UNC13C: variants seen among roughly 807,000 people sequenced by gnomAD.
UNC13C encodes unc-13 homolog C, also known as protein unc-13 homolog C.
Under a neutral mutation model 245.4 loss-of-function variants are expected in UNC13C, and 174 were observed. The observed-to-expected ratio is 0.71, with a 90% confidence interval of 0.63 to 0.80. The LOEUF (loss-of-function observed/expected upper bound fraction) is 0.80, where lower values mean the gene tolerates loss of function less well. UNC13C is among the 30% of genes least tolerant of loss of function. The pLI, the probability that UNC13C is intolerant of heterozygous loss-of-function variation, is 0.00. For missense variants in UNC13C, 2,829 were observed against 2,602.9 expected (o/e 1.09, Z -1.89); for synonymous variants, 992 against 895.1 (o/e 1.11, Z -1.93).
At chr15:54,275,575 C>T (rs931929731) in intron 10 of UNC13C, among the ~76,000 whole-genome samples, 25 of 152,002 alleles carry the variant, frequency 1.6e-4, no homozygotes, top group African/African-American at 5.8e-4. Flanking sequence ...TTATAACAGC[C>T]TACCAGTAAT....
chr15:53,898,553 A>G, the UNC13C span, among the ~76,000 whole-genome samples: 4 of 152,190 alleles, frequency 2.6e-5, no homozygotes, highest in South Asian at 4.1e-4. Context: ...ATTCCCTAGT[A>G]AATGAGAAAA....
chr15:54,100,631 G>A (rs903847110), intron 2 of UNC13C, among the ~76,000 whole-genome samples: 5 of 151,784 alleles, frequency 3.3e-5, no homozygotes, highest in East Asian at 1.9e-4. Context: ...AGCTTAGTAC[G>A]TCTATATCCA....
chr15:54,265,506 T>A lies in UNC13C; in HGVS notation c.3818+10T>A, dbSNP rs2036530909. The A allele has an allele frequency of 2.6e-6, 4 of 1,515,030 alleles. No homozygotes were observed. The South Asian group carries it at 5.1e-5, about 19-fold the overall frequency. 93.8% of individuals were successfully genotyped at this position (1,515,030 alleles called of 1,614,324 possible). ...ATGAGAAGTTTTATTTGTGAGTATA[T>A]AATGTGAAACCTTTACAAATATTAA... On this transcript the variant is annotated intron_variant, in intron 10 of 32. Transcript: ENST00000260323.
chr15:54,541,975 G>A (rs1365400010), intron 26 of UNC13C, among the ~76,000 whole-genome samples: 1 of 152,018 alleles, frequency 6.6e-6, no homozygotes, highest in African/African-American at 2.4e-5. Context: ...ATCGGGGTGA[G>A]GGTGAAAATC....
intron 4 of UNC13C, among the ~76,000 whole-genome samples, chr15:54,230,588 A>G (rs2035523527): frequency 6.6e-6 from 1 of 152,088 alleles, no homozygotes; most frequent in Non-Finnish European, 1.5e-5. Flanking sequence ...ATTTTATAAC[A>G]AGACAATTAA....
chr15:53,944,234 T>A, the UNC13C span, among the ~76,000 whole-genome samples: 1 of 152,130 alleles, frequency 6.6e-6, no homozygotes, highest in South Asian at 2.1e-4. Flanking sequence ...ATTTTAATAA[T>A]TTAATTTGGC....
At chr15:54,075,526 C>T (rs1193825294) in intron 2 of UNC13C, among the ~76,000 whole-genome samples, 1 of 132,850 alleles carries the variant, frequency 7.5e-6, no homozygotes, top group African/African-American at 2.9e-5. Context: ...CACTCCAGCC[C>T]GGGCGACAGA....
chr15:54,408,222 A>AAAAAAAAAAAAAC, intron 18 of UNC13C, among the ~76,000 whole-genome samples: 1 of 145,156 alleles, frequency 6.9e-6, no homozygotes, highest in East Asian at 2.1e-4. Context: ...AAAAAAAAAA[A>AAAAAAAAAAAAAC]AAAAAAACAT....
At chr15:54,466,778 G>T (rs201229294) in intron 19 of UNC13C, among the ~76,000 whole-genome samples, 1 of 151,626 alleles carries the variant, frequency 6.6e-6, no homozygotes, top group East Asian at 1.9e-4. Context: ...CAACAATCAG[G>T]TATTATTTTA....
intron 1 of UNC13C, among the ~76,000 whole-genome samples, chr15:53,980,876 T>C (rs1451910621): frequency 2.6e-5 from 4 of 152,186 alleles, no homozygotes; most frequent in Non-Finnish European, 4.4e-5. Context: ...CTATGGTTGC[T>C]AATCTTTAAA....
chr15:54,100,253 T>C (rs571441068), intron 2 of UNC13C, among the ~76,000 whole-genome samples: 382 of 152,304 alleles, frequency 2.5e-3, no homozygotes, highest in Non-Finnish European at 2.9e-3. Flanking sequence ...TTTACTTCTT[T>C]GAGAGTTTTT....
intron 12 of UNC13C, among the ~76,000 whole-genome samples, chr15:54,298,561 T>C (rs2037495589): frequency 6.6e-6 from 1 of 152,180 alleles, no homozygotes; most frequent in Non-Finnish European, 1.5e-5. Flanking sequence ...AAAATGAAGA[T>C]GTGGTTACTC....
At chr15:53,864,596 T>C in the UNC13C span, among the ~76,000 whole-genome samples, 1 of 152,212 alleles carries the variant, frequency 6.6e-6, no homozygotes, top group African/African-American at 2.4e-5. Flanking sequence ...TCTCTCTACC[T>C]AGGCTATATC....
intron 19 of UNC13C, among the ~76,000 whole-genome samples, chr15:54,451,020 G>A (rs939895297): frequency 1.4e-4 from 22 of 152,156 alleles, no homozygotes; most frequent in African/African-American, 4.8e-4. Context: ...ATTTTTGGTG[G>A]ATACTTTCTT....
At chr15:54,618,632 G>C (rs1467548190) in intron 30 of UNC13C, among the ~76,000 whole-genome samples, 1 of 151,984 alleles carries the variant, frequency 6.6e-6, no homozygotes, top group Non-Finnish European at 1.5e-5. Flanking sequence ...AAATTTCACT[G>C]TACACATCAT....
At position 54,300,564 on chromosome 15, in the gene UNC13C, A is replaced by G. The variant is rs571419901; in HGVS notation, c.4268+191A>G. Among the ~76,000 whole-genome samples, 52 of 152,266 alleles carry G rather than the reference A, an allele frequency of 3.4e-4. 1 individual carries two copies. The East Asian group carries it at 7.5e-3, about 22-fold the overall frequency. ...AATGACTTGGTAATTCACTACCACC[A>G]TCCTCCAATCCTTGTTCTGTCCTCC... is the stretch of plus-strand genomic sequence containing the variant. On this transcript the variant is annotated intron_variant, in intron 13 of 32. Transcript: ENST00000260323.
intron 8 of UNC13C, among the ~76,000 whole-genome samples, chr15:54,250,683 C>T (rs1411964328): frequency 6.6e-6 from 1 of 150,968 alleles, no homozygotes; most frequent in African/African-American, 2.4e-5. Context: ...ATTGCACTCT[C>T]ATCCAGCATA....
chr15:54,080,006 G>GTTTT lies in UNC13C; in HGVS notation c.2984-63000_2984-62997dup, dbSNP rs3985784. Among the ~76,000 whole-genome samples the GTTTT allele has an allele frequency of 2.2e-4, 28 of 129,922 alleles. 3 individuals carry two copies. In the East Asian group the frequency reaches 2.2e-3, roughly 10 times the overall value. 85.2% of individuals were successfully genotyped at this position (129,922 alleles called of 152,430 possible). ...CCTTCAAGGCCTGGTTTGTCGAGCG[G>GTTTT]TTTTTTTTTTTTTTTATCATAAAGT... On this transcript the variant is annotated intron_variant, in intron 2 of 32. Coordinates refer to ENST00000260323, the MANE Select transcript of UNC13C (RefSeq NM_001080534.3).
At chr15:54,547,669 G>A (rs1269343797) in intron 27 of UNC13C, among the ~76,000 whole-genome samples, 2 of 152,138 alleles carry the variant, frequency 1.3e-5, no homozygotes, top group Non-Finnish European at 2.9e-5. Flanking sequence ...AAATATGCCT[G>A]TGTTTTTGTT....
Sources: gnomAD v4.1 joint callset for allele counts (sites outside exome capture counted in the v4.1 genomes callset) on GRCh38, gnomAD v4.1.1 for gene constraint, MANE v1.5 for transcripts, NCBI Gene and HGNC (gene_info 2026-07-23, HGNC 2026-07-21) for gene names.